Variants in QKI observed in about 807,000 individuals in gnomAD.
The protein encoded by QKI is KH domain-containing RNA-binding protein QKI.
A neutral mutation model predicts 39.0 loss-of-function variants in QKI; 10 were observed. The observed-to-expected ratio is 0.26, with a 90% CI of 0.16 to 0.43. The LOEUF is 0.43. Among genes scored for constraint, QKI ranks in the 20% least tolerant of loss-of-function variants. The probability of loss-of-function intolerance (pLI) is 1.00; values close to 1 mark genes in which losing one functional copy is unlikely to be tolerated. For synonymous variants in QKI, 204 were observed against 155.4 expected (o/e 1.31, Z -2.33); for missense variants, 218 against 428.0 (o/e 0.51, Z 4.33).
intron 1 of QKI, among the ~76,000 whole-genome samples, chr6:163,440,164 C>G (rs146838697): frequency 7.2e-5 from 11 of 152,286 alleles, no homozygotes; most frequent in African/African-American, 2.2e-4. Flanking sequence ...CTATCTAGCT[C>G]TTACCATCTG....
intron 1 of QKI, among the ~76,000 whole-genome samples, chr6:163,427,475 C>CT (rs1476007371): frequency 6.6e-6 from 1 of 151,586 alleles, no homozygotes; most frequent in African/African-American, 2.4e-5. Context: ...AATTATTTTC[C>CT]TTTTTTGGTG....
intron 1 of QKI, among the ~76,000 whole-genome samples, chr6:163,420,419 ATAACT>A (rs1489544709): frequency 6.6e-6 from 1 of 151,952 alleles, no homozygotes; most frequent in Admixed American, 6.6e-5. Context: ...TTGTTTGTTG[ATAACT>A]TAAAAGGCAG....
At chr6:163,517,094 T>G (rs1049032429) in intron 3 of QKI, among the ~76,000 whole-genome samples, 1 of 149,430 alleles carries the variant, frequency 6.7e-6, no homozygotes, top group African/African-American at 2.6e-5. Context: ...TCTCTCTCTC[T>G]CTCTCTCTAG....
At chr6:163,543,699 A>G (rs541157350) in intron 4 of QKI, among the ~76,000 whole-genome samples, 1 of 152,170 alleles carries the variant, frequency 6.6e-6, no homozygotes, top group South Asian at 2.1e-4. Context: ...TAGAAGGCTG[A>G]TAGCTTCTTA....
chr6:163,507,092 G>A (rs1256506460), intron 3 of QKI, among the ~76,000 whole-genome samples: 9 of 152,306 alleles, frequency 5.9e-5, no homozygotes, highest in East Asian at 1.9e-4. Flanking sequence ...AAGAGTAAAC[G>A]ATGCTTTGGG....
At chr6:163,562,210 C>T in intron 5 of QKI, 141 bp downstream of exon 5, 1 of 454,450 alleles carries the variant, frequency 2.2e-6, no homozygotes, top group East Asian at 3.5e-5. Context: ...ATGGGGCTGA[C>T]AGTCCTATTT....
chr6:163,525,485 A>C (rs112251623), intron 3 of QKI, among the ~76,000 whole-genome samples: 4,069 of 151,688 alleles, frequency 0.027, 97 homozygotes, highest in Non-Finnish European at 0.035. Context: ...CAGCCTCCTG[A>C]GTACCTGGGA....
At chr6:163,426,339 G>A (rs1383442439) in intron 1 of QKI, among the ~76,000 whole-genome samples, 2 of 150,772 alleles carry the variant, frequency 1.3e-5, no homozygotes, top group African/African-American at 4.9e-5. Flanking sequence ...TAGTTCTAAA[G>A]TAGGTTCAAG....
chr6:163,496,286 C>T (rs532689907), intron 3 of QKI, among the ~76,000 whole-genome samples: 19 of 152,230 alleles, frequency 1.2e-4, no homozygotes, highest in African/African-American at 3.4e-4. Context: ...ACACACTGAG[C>T]TTTGATTTAG....
At chr6:163,513,377 AAAATAC>A (rs1254677521) in intron 3 of QKI, among the ~76,000 whole-genome samples, 2 of 152,240 alleles carry the variant, frequency 1.3e-5, no homozygotes, top group African/African-American at 4.8e-5. Context: ...GGTGATACAT[AAAATAC>A]ACAAAACAAA....
At position 163,563,718 on chromosome 6, in the gene QKI, A is replaced by G. The variant is rs1783175213; in HGVS notation, c.933A>G (p.Leu311=). 1 of 1,611,774 alleles carries G rather than the reference A, an allele frequency of 6.2e-7. No homozygotes were observed. The highest frequency in any genetic ancestry group is 1.1e-5 in the South Asian group (1 of 90,930). ...ATCCTATTGAACCTAGTGGTGTATT[A>G]GGTAAGTTCTTCTCCCCATGGGGTT... is the stretch of plus-strand genomic sequence containing the variant. ...LEYPIEPSGV[L]GAVATKVRRH... The change falls in exon 6 of 8, where the codon TTA becomes TTG. Residue 311 remains leucine, a splice_region_variant and synonymous_variant. Coordinates refer to ENST00000361752, the MANE Select transcript of QKI (RefSeq NM_006775.3).
At chr6:163,567,155 A>G (rs1183753493) in intron 7 of QKI, 1 of 1,016,316 alleles carries the variant, frequency 9.8e-7, no homozygotes, top group Admixed American at 5.6e-5. Context: ...TGGGGTTGGT[A>G]TTGCAAAATG....
chr6:163,495,661 C>G (rs1212624144), intron 3 of QKI, among the ~76,000 whole-genome samples: 1 of 152,026 alleles, frequency 6.6e-6, no homozygotes, highest in East Asian at 1.9e-4. Context: ...GAATCTAGTC[C>G]AGATCACAGA....
At chr6:163,542,371 A>C (rs1408223447) in intron 4 of QKI, among the ~76,000 whole-genome samples, 1 of 152,054 alleles carries the variant, frequency 6.6e-6, no homozygotes. Context: ...AAAACACACA[A>C]GAATGGTGAA....
intron 1 of QKI, among the ~76,000 whole-genome samples, chr6:163,436,004 C>A (rs901865527): frequency 6.6e-6 from 1 of 152,102 alleles, no homozygotes. Flanking sequence ...TCAGTACACA[C>A]TATTTAAAGT....
At chr6:163,504,027 GC>G (rs995317923) in intron 3 of QKI, among the ~76,000 whole-genome samples, 29 of 152,196 alleles carry the variant, frequency 1.9e-4, no homozygotes, top group African/African-American at 4.6e-4. Context: ...ACAGGTGTGA[GC>G]CCCCACCCCC....
At chr6:163,462,227 A>G (rs547942686) in intron 2 of QKI, among the ~76,000 whole-genome samples, 1 of 152,296 alleles carries the variant, frequency 6.6e-6, no homozygotes, top group East Asian at 1.9e-4. Flanking sequence ...AAGTGCTGGG[A>G]TTACAGGCGG....
intron 3 of QKI, among the ~76,000 whole-genome samples, chr6:163,534,095 ATTC>A (rs1781045246): frequency 6.6e-6 from 1 of 152,058 alleles, no homozygotes; most frequent in Non-Finnish European, 1.5e-5. Flanking sequence ...CTACTTATAT[ATTC>A]TTATTTTATT....
At chr6:163,556,339 C>T (rs1382124480) in intron 4 of QKI, among the ~76,000 whole-genome samples, 3 of 151,762 alleles carry the variant, frequency 2.0e-5, no homozygotes, top group South Asian at 2.1e-4. Flanking sequence ...ATGGTGAAAC[C>T]GCATCTCTAC....
Sources: allele counts gnomAD v4.1 joint callset (sites outside exome capture counted in the v4.1 genomes callset), GRCh38; gene constraint gnomAD v4.1.1; transcripts MANE v1.5; gene names NCBI Gene and HGNC (gene_info 2026-07-23, HGNC 2026-07-21).